The following ABAT variants were observed in gnomAD, a reference collection of about 807,000 sequenced individuals.
ABAT encodes 4-aminobutyrate aminotransferase, mitochondrial.
Under a neutral mutation model 64.6 loss-of-function variants are expected in ABAT, and 45 were observed. The observed-to-expected ratio is 0.70, with a 90% CI of 0.55 to 0.89. The LOEUF is 0.89. Ranked by LOEUF, ABAT falls within the 40% of genes least tolerant of loss-of-function variation. The pLI, the probability that ABAT is intolerant of heterozygous loss-of-function variation, is 0.00. For synonymous variants in ABAT, 297 were observed against 250.5 expected (o/e 1.19, Z -1.75); for missense variants, 633 against 658.4 (o/e 0.96, Z 0.42).
rs1400567067 is a variant in ABAT, at chr16:8,783,747, A to C, written c.*2317A>C. The C allele has an allele frequency of 6.6e-6, 1 of 152,242 alleles. No homozygotes were observed. The highest frequency in any genetic ancestry group is 1.5e-5 in the Non-Finnish European group (1 of 68,044). 9.4% of individuals were successfully genotyped at this position (152,242 alleles called of 1,614,324 possible). On this transcript the variant is annotated 3_prime_UTR_variant, in exon 16 of 16. Coordinates refer to ENST00000268251, the MANE Select transcript of ABAT (RefSeq NM_020686.6). ...TGGTTCTCGGAGTCCAAAGGGTTTT[A>C]AGCCAGGGCACAACCAGAAAAGTGG...
At chr16:8,766,457 C>G (rs183962754) in intron 9 of ABAT, among the ~76,000 whole-genome samples, 187 bp downstream of exon 9, 1 of 152,070 alleles carries the variant, frequency 6.6e-6, no homozygotes, top group Non-Finnish European at 1.5e-5. Context: ...GAGTTCAAGA[C>G]CAGCCTGGCT....
intron 1 of ABAT, among the ~76,000 whole-genome samples, chr16:8,729,188 G>A (rs2058646688): frequency 6.6e-6 from 1 of 151,730 alleles, no homozygotes; most frequent in African/African-American, 2.4e-5. Flanking sequence ...TTCGCCTGTA[G>A]TTCCAGGTAC....
chr16:8,753,519 G>A (rs959368422), intron 5 of ABAT, among the ~76,000 whole-genome samples: 35 of 152,322 alleles, frequency 2.3e-4, no homozygotes, highest in African/African-American at 8.4e-4. Context: ...GACCAGCTCC[G>A]CTTTCATCTC....
intron 1 of ABAT, among the ~76,000 whole-genome samples, chr16:8,720,511 C>G (rs2058337788): frequency 6.6e-6 from 1 of 152,110 alleles, no homozygotes; most frequent in Admixed American, 6.5e-5. Context: ...GGGCTGGGGC[C>G]CATGCGGAGG....
intron 1 of ABAT, among the ~76,000 whole-genome samples, chr16:8,723,058 C>A (rs1251385388): frequency 2.0e-5 from 3 of 152,022 alleles, no homozygotes; most frequent in South Asian, 2.1e-4. Context: ...CATGGTGAAA[C>A]CCTGTCTCTA....
chr16:8,680,430 A>AT (rs890723456), intron 1 of ABAT, among the ~76,000 whole-genome samples: 1 of 151,978 alleles, frequency 6.6e-6, no homozygotes, highest in African/African-American at 2.4e-5. Context: ...ATTTTTATGT[A>AT]TTTTTTTGGG....
chr16:8,773,147 C>CACACACAT (rs1239743158), intron 12 of ABAT, among the ~76,000 whole-genome samples: 29 of 98,460 alleles, frequency 2.9e-4, no homozygotes, highest in African/African-American at 1.0e-3. Context: ...CACACACACA[C>CACACACAT]ATATATATAT....
chr16:8,716,520 C>T (rs1355688118), intron 1 of ABAT, among the ~76,000 whole-genome samples: 1 of 152,128 alleles, frequency 6.6e-6, no homozygotes. Context: ...GTACCCAGGG[C>T]GTGCTTCATG....
chr16:8,704,643 G>A (rs187641340), intron 1 of ABAT, among the ~76,000 whole-genome samples: 16 of 152,210 alleles, frequency 1.1e-4, no homozygotes, highest in Non-Finnish European at 1.6e-4. Context: ...TTTTGTGCCT[G>A]TAAAAAATTG....
intron 9 of ABAT, among the ~76,000 whole-genome samples, chr16:8,766,566 A>C (rs1473091748): frequency 6.6e-6 from 1 of 152,082 alleles, no homozygotes; most frequent in African/African-American, 2.4e-5. Flanking sequence ...GAGGCAGGAG[A>C]ATCATTTGAA....
At position 8,707,353 on chromosome 16, in the gene ABAT, A is replaced by AT. The variant is rs386384172; in HGVS notation, c.-41-28329dup. ...AGGCACACACTACCATGCCAGGGTAATTTTTTTTTTTTTTTTTAGCGGAGA... is the reference window on the plus strand; with the variant it reads ...AGGCACACACTACCATGCCAGGGTAATTTTTTTTTTTTTTTTTTAGCGGAGA... On this transcript the variant is annotated intron_variant, in intron 1 of 15. Coordinates refer to ENST00000268251, the MANE Select transcript of ABAT (RefSeq NM_020686.6). Among the ~76,000 whole-genome samples the AT allele has an allele frequency of 2.4e-3, 300 of 123,874 alleles. 7 individuals carry two copies. Among genetic ancestry groups the AT allele is most frequent in the African/African-American group, 7.0e-3 (211 of 30,178 alleles). 81.3% of individuals were successfully genotyped at this position (123,874 alleles called of 152,430 possible).
intron 1 of ABAT, among the ~76,000 whole-genome samples, chr16:8,698,853 C>A (rs536160097): frequency 1.3e-5 from 2 of 152,144 alleles, no homozygotes; most frequent in South Asian, 4.2e-4. Flanking sequence ...GGCTGAGGCA[C>A]AAGAATCACT....
intron 12 of ABAT, among the ~76,000 whole-genome samples, chr16:8,774,051 C>G (rs189096813): frequency 6.6e-6 from 1 of 152,286 alleles, no homozygotes; most frequent in East Asian, 1.9e-4. Context: ...GCCTCAGTCT[C>G]CCAAGTAGCT....
At chr16:8,717,186 A>G (rs916152552) in intron 1 of ABAT, among the ~76,000 whole-genome samples, 2 of 152,160 alleles carry the variant, frequency 1.3e-5, no homozygotes, top group Admixed American at 1.3e-4. Context: ...GCTACTCGGG[A>G]GGCTGAGGCA....
chr16:8,735,236 G>GT (rs1309894913), intron 1 of ABAT, among the ~76,000 whole-genome samples: 22 of 150,636 alleles, frequency 1.5e-4, no homozygotes, highest in African/African-American at 2.9e-4. Context: ...TTTTGGGTTG[G>GT]TTTTTTTTGT....
intron 1 of ABAT, among the ~76,000 whole-genome samples, chr16:8,728,367 T>C (rs1269283421): frequency 2.0e-5 from 3 of 152,230 alleles, no homozygotes; most frequent in Admixed American, 6.5e-5. Flanking sequence ...TGCAGAATAT[T>C]CAAATGTTGA....
chr16:8,686,261 C>G (rs993313423), intron 1 of ABAT, among the ~76,000 whole-genome samples: 7 of 152,222 alleles, frequency 4.6e-5, no homozygotes, highest in Non-Finnish European at 7.3e-5. Flanking sequence ...CAAATGAATG[C>G]CTGCATGCAA....
intron 1 of ABAT, among the ~76,000 whole-genome samples, chr16:8,686,447 A>G (rs577037122): frequency 6.6e-6 from 1 of 152,092 alleles, no homozygotes; most frequent in African/African-American, 2.4e-5. Flanking sequence ...CATGCAGAGA[A>G]CCCTGGACAG....
At chr16:8,716,974 A>T (rs28618356) in intron 1 of ABAT, among the ~76,000 whole-genome samples, 1,606 of 152,206 alleles carry the variant, frequency 0.011, 32 homozygotes, top group African/African-American at 0.036. Context: ...TCCGAAAAAG[A>T]AATGCAAAAT....
Sources: allele counts gnomAD v4.1 joint callset (sites outside exome capture counted in the v4.1 genomes callset), GRCh38; gene constraint gnomAD v4.1.1; transcripts MANE v1.5; gene names NCBI Gene and HGNC (gene_info 2026-07-23, HGNC 2026-07-21).